The following TMTC1 variants were observed in gnomAD, a reference collection of about 807,000 sequenced individuals.
The protein encoded by TMTC1 is protein O-mannosyl-transferase TMTC1.
Under a neutral mutation model 104.8 loss-of-function variants are expected in TMTC1, and 73 were observed. The ratio of observed to expected loss-of-function variants is 0.70; its 90% CI spans 0.58 to 0.85. TMTC1 has a LOEUF of 0.85. Among genes scored for constraint, TMTC1 ranks in the 40% least tolerant of loss-of-function variants. The pLI is 0.00. For missense variants in TMTC1, 1,035 were observed against 1,096.1 expected, an observed-to-expected ratio of 0.94 and a Z score of 0.79; for synonymous variants, 434 against 428.7, an observed-to-expected ratio of 1.01 and a Z score of -0.15.
At chr12:29,541,330 A>G (rs1020755877) in intron 10 of TMTC1, among the ~76,000 whole-genome samples, 2 of 152,158 alleles carry the variant, frequency 1.3e-5, no homozygotes, top group African/African-American at 4.8e-5. Flanking sequence ...AGACTTAAAA[A>G]CCAGAAGGAC....
chr12:29,618,405 G>A (rs554237484), intron 6 of TMTC1, among the ~76,000 whole-genome samples: 22 of 152,152 alleles, frequency 1.4e-4, no homozygotes, highest in African/African-American at 4.8e-4. Flanking sequence ...TATTACAGGT[G>A]AAAAATAAAT....
chr12:29,756,992 C>T (rs1052642789), intron 3 of TMTC1, among the ~76,000 whole-genome samples: 1 of 152,126 alleles, frequency 6.6e-6, no homozygotes, highest in African/African-American at 2.4e-5. Context: ...AAGAACAGGC[C>T]TAGAGAACAA....
At chr12:29,663,403 C>T (rs1955579839) in intron 5 of TMTC1, among the ~76,000 whole-genome samples, 1 of 152,160 alleles carries the variant, frequency 6.6e-6, no homozygotes, top group Admixed American at 6.5e-5. Flanking sequence ...TGGAAACGTC[C>T]TTCCTCAAGT....
intron 14 of TMTC1, among the ~76,000 whole-genome samples, chr12:29,516,750 G>T (rs1265553764): frequency 1.3e-5 from 2 of 152,128 alleles, no homozygotes; most frequent in African/African-American, 4.8e-5. Context: ...TTTAAAAAAG[G>T]TTGACCAAAT....
At chr12:29,680,020 CTT>C (rs755824946) in intron 5 of TMTC1, among the ~76,000 whole-genome samples, 7 of 152,102 alleles carry the variant, frequency 4.6e-5, no homozygotes, top group Non-Finnish European at 1.0e-4. Flanking sequence ...TTAATAATCA[CTT>C]TGTTTCTGGT....
Position 29,699,561 on chromosome 12 carries a change from C to T in TMTC1, c.938+52105G>A, listed in dbSNP as rs183890581. ...GTAACCTATTGCACATAAGATATAG[C>T]AGAAAACTTCCAGAATTGTATTCAA... On this transcript the variant is annotated intron_variant, in intron 5 of 17. Transcript: ENST00000539277. Among the ~76,000 whole-genome samples the T allele has an allele frequency of 6.4e-4, 97 of 151,398 alleles. 2 individuals carry two copies. Among genetic ancestry groups the T allele is most frequent in the East Asian group, 2.5e-3 (13 of 5,162 alleles).
rs368662760 is a variant in TMTC1, at chr12:29,742,048, G to A, written c.938+9618C>T. On this transcript the variant is annotated intron_variant, in intron 5 of 17. Coordinates refer to ENST00000539277, the MANE Select transcript of TMTC1 (RefSeq NM_001193451.2). ...TTCACAAAATCACACTCCTTTCATA[G>A]TCACAAGGAAAAATTACTTAAGGAA... 1.3e-4 allele frequency among the ~76,000 whole-genome samples: 19 copies of A among 151,902 alleles called. No individual in the cohort carries two copies. In the East Asian group the frequency reaches 1.4e-3, roughly 11 times the overall value.
chr12:29,672,485 C>T (rs1175345661), intron 5 of TMTC1, among the ~76,000 whole-genome samples: 4 of 152,168 alleles, frequency 2.6e-5, no homozygotes, highest in Non-Finnish European at 5.9e-5. Flanking sequence ...CCCCACCTCA[C>T]TTTCTATCCC....
rs1420607997 is a variant in TMTC1 at position 29,506,287 on chromosome 12, GC to G, written c.*558del. ...AACTCTTAGGAGGATATTAGATAAA[GC>G]TCACTTAGCAATAGCCCTTTTTCCC... On this transcript the variant is annotated 3_prime_UTR_variant, in exon 18 of 18. Coordinates refer to ENST00000539277, the MANE Select transcript of TMTC1 (RefSeq NM_001193451.2). 1 of 152,514 alleles carries G rather than the reference GC, an allele frequency of 6.6e-6. No individual in the cohort carries two copies. Among genetic ancestry groups the G allele is most frequent in the African/African-American group, 2.4e-5 (1 of 41,442 alleles). 9.4% of individuals were successfully genotyped at this position (152,514 alleles called of 1,614,324 possible). A position where few individuals can be genotyped will look rare whatever the true frequency, so the allele number is the denominator to read the frequency against.
rs1175988098 is a variant in TMTC1 at position 29,501,140 on chromosome 12, A to G, written c.*5706T>C. On this transcript the variant is annotated 3_prime_UTR_variant, in exon 18 of 18. Coordinates refer to ENST00000539277, the MANE Select transcript of TMTC1 (RefSeq NM_001193451.2). ...TATAAAAGCAAGCCATGGCTTCTAC[A>G]GATATTTTAATTCCTTGGGAGGAAG... is the stretch of plus-strand genomic sequence containing the variant. 6.6e-6 allele frequency: 1 copy of G among 152,292 alleles called. No individual in the cohort carries two copies. Among genetic ancestry groups the G allele is most frequent in the East Asian group, 1.9e-4 (1 of 5,198 alleles). The allele number at this position is 152,292 out of a possible 1,614,324, so 9.4% of individuals were successfully genotyped here.
rs1352362332 is a variant in TMTC1 at position 29,771,305 on chromosome 12, T to C, written c.303-3230A>G. Among the ~76,000 whole-genome samples the C allele has an allele frequency of 4.6e-5, 7 of 152,158 alleles. No individual in the cohort carries two copies. In the Middle Eastern group the frequency reaches 0.014, roughly 298 times the overall value. ...ATAGTGGTAAGAATAAAGGCTCACA[T>C]GGGGATATAAAAGACAACAAAATAC... On this transcript the variant is annotated intron_variant, in intron 1 of 17. Coordinates refer to ENST00000539277, the MANE Select transcript of TMTC1 (RefSeq NM_001193451.2).
intron 8 of TMTC1, among the ~76,000 whole-genome samples, chr12:29,581,609 C>T (rs1309626623): frequency 6.6e-6 from 1 of 151,482 alleles, no homozygotes; most frequent in Admixed American, 6.6e-5. Flanking sequence ...GGTTTGAGTA[C>T]TAAGTCTGCC....
intron 9 of TMTC1, among the ~76,000 whole-genome samples, chr12:29,563,069 T>C (rs759826179): frequency 6.6e-6 from 1 of 152,338 alleles, no homozygotes; most frequent in Non-Finnish European, 1.5e-5. Flanking sequence ...GTTTCTCCTA[T>C]ACTGAGAGTT....
intron 5 of TMTC1, among the ~76,000 whole-genome samples, chr12:29,707,449 C>T (rs535700858): frequency 2.4e-4 from 37 of 152,196 alleles, no homozygotes; most frequent in Non-Finnish European, 8.8e-5. Flanking sequence ...CGCCTCTGCT[C>T]TTCAGCTCCA....
In TMTC1 at chr12:29,764,667, A is replaced by T. The variant is rs899127213; in HGVS notation, c.480+3231T>A. 5.9e-5 allele frequency among the ~76,000 whole-genome samples: 9 copies of T among 152,232 alleles called. No homozygotes were observed. The East Asian group carries it at 1.7e-3, about 29-fold the overall frequency. ...TCATGTAAATTGTTTTGTAGGCTAA[A>T]TTTCTCTGCCTCCTTCTTAGACTTC... On this transcript the variant is annotated intron_variant, in intron 2 of 17. Coordinates refer to ENST00000539277, the MANE Select transcript of TMTC1 (RefSeq NM_001193451.2).
intron 7 of TMTC1, among the ~76,000 whole-genome samples, chr12:29,595,186 A>G (rs1393197713): frequency 6.6e-6 from 1 of 152,200 alleles, no homozygotes; most frequent in Non-Finnish European, 1.5e-5. Flanking sequence ...AACAGACACA[A>G]ACATTCATCT....
intron 5 of TMTC1, among the ~76,000 whole-genome samples, chr12:29,730,514 C>G (rs1459304036): frequency 1.3e-5 from 2 of 152,200 alleles, no homozygotes; most frequent in African/African-American, 4.8e-5. Flanking sequence ...TGATTCTTCT[C>G]TCCCGCTTTT....
intron 5 of TMTC1, among the ~76,000 whole-genome samples, chr12:29,700,856 C>G (rs996932314): frequency 2.0e-5 from 3 of 152,102 alleles, no homozygotes. Context: ...ATAATCAGCA[C>G]TCTGTAAAGG....
intron 3 of TMTC1, among the ~76,000 whole-genome samples, chr12:29,758,112 A>T (rs1246847294): frequency 1.3e-5 from 2 of 152,152 alleles, no homozygotes. Flanking sequence ...ACATGACATG[A>T]CTCAGATGAG....
Sources: gnomAD v4.1 joint callset for allele counts (sites outside exome capture counted in the v4.1 genomes callset) on GRCh38, gnomAD v4.1.1 for gene constraint, MANE v1.5 for transcripts, NCBI Gene and HGNC (gene_info 2026-07-23, HGNC 2026-07-21) for gene names.